The following TLCD4 variants were observed in gnomAD, a reference collection of about 807,000 sequenced individuals.
TLCD4 encodes the protein TLC domain containing 4.
Under a neutral mutation model 24.2 loss-of-function variants are expected in TLCD4, and 7 were observed. The ratio of observed to expected loss-of-function variants is 0.29; its 90% CI spans 0.16 to 0.54. The LOEUF (loss-of-function observed/expected upper bound fraction) is 0.54, where lower values mean the gene tolerates loss of function less well. Among genes scored for constraint, TLCD4 ranks in the 20% least tolerant of loss-of-function variants. The probability of loss-of-function intolerance (pLI) is 0.95; values close to 1 mark genes in which losing one functional copy is unlikely to be tolerated. For missense variants in TLCD4, 259 were observed against 313.9 expected (o/e 0.82, Z 1.32); for synonymous variants, 103 against 106.4 (o/e 0.97, Z 0.20).
chr1:95,130,988 A>T (rs988433288), intron 1 of TLCD4, among the ~76,000 whole-genome samples: 5 of 152,206 alleles, frequency 3.3e-5, no homozygotes, highest in African/African-American at 1.2e-4. Context: ...TACCCTGGTA[A>T]AACAAGGAAT....
intron 5 of TLCD4, among the ~76,000 whole-genome samples, chr1:95,162,023 G>C (rs1677827562): frequency 2.6e-5 from 4 of 152,188 alleles, no homozygotes; most frequent in Admixed American, 2.0e-4. Context: ...AGGTCTGCTT[G>C]ATGCAGAGCT....
chr1:95,149,530 A>G (rs1278298896), intron 3 of TLCD4, among the ~76,000 whole-genome samples: 1 of 152,140 alleles, frequency 6.6e-6, no homozygotes, highest in African/African-American at 2.4e-5. Context: ...TTCTATTCAT[A>G]AATATAAAAT....
intron 1 of TLCD4, among the ~76,000 whole-genome samples, chr1:95,122,152 C>T (rs1479550313): frequency 2.6e-5 from 4 of 152,110 alleles, no homozygotes; most frequent in South Asian, 2.1e-4. Context: ...GAAGAGTTTG[C>T]GACCAGCCTG....
chr1:95,148,599 A>G, intron 2 of TLCD4, 103 bp from the exon 3 acceptor site: 1 of 1,487,216 alleles, frequency 6.7e-7, no homozygotes, highest in South Asian at 1.3e-5. Flanking sequence ...CCTGTATATA[A>G]ATGCTTCCAG....
chr1:95,097,261 A>G, the TLCD4 span, among the ~76,000 whole-genome samples: 3 of 152,240 alleles, frequency 2.0e-5, no homozygotes, highest in Non-Finnish European at 2.9e-5. Flanking sequence ...AGAATATACA[A>G]TAGATTATTG....
At chr1:95,122,222 T>C (rs1676589417) in intron 1 of TLCD4, among the ~76,000 whole-genome samples, 1 of 151,840 alleles carries the variant, frequency 6.6e-6, no homozygotes, top group Non-Finnish European at 1.5e-5. Context: ...TAGCCACACA[T>C]GGTGGCATGT....
At chr1:95,177,658 A>G (rs1157950791) in intron 6 of TLCD4, among the ~76,000 whole-genome samples, 4 of 152,182 alleles carry the variant, frequency 2.6e-5, no homozygotes, top group Admixed American at 6.5e-5. Flanking sequence ...TGCAGTTCAT[A>G]TTATTTACAT....
At chr1:95,139,384 TTC>T (rs527568519) in intron 1 of TLCD4, among the ~76,000 whole-genome samples, 55 of 151,836 alleles carry the variant, frequency 3.6e-4, no homozygotes, top group African/African-American at 1.3e-3. Flanking sequence ...TTTTAAAAAT[TTC>T]TTTTTTCAAT....
intron 5 of TLCD4, among the ~76,000 whole-genome samples, chr1:95,173,574 CTG>C (rs1432628284): frequency 7.2e-5 from 11 of 152,320 alleles, no homozygotes; most frequent in South Asian, 4.1e-4. Flanking sequence ...TAAGTGGACA[CTG>C]TATACATAAG....
the TLCD4 span, among the ~76,000 whole-genome samples, chr1:95,108,618 C>T: frequency 1.9e-4 from 29 of 152,190 alleles, no homozygotes; most frequent in Non-Finnish European, 1.8e-4. Flanking sequence ...GCCACCATCC[C>T]TGGCCTTTGT....
At chr1:95,108,962 T>G in the TLCD4 span, among the ~76,000 whole-genome samples, 1 of 152,224 alleles carries the variant, frequency 6.6e-6, no homozygotes, top group African/African-American at 2.4e-5. Context: ...TATTTTCCCA[T>G]GTGGACTTTG....
At chr1:95,185,613 C>T (rs904734335) in intron 6 of TLCD4, among the ~76,000 whole-genome samples, 9 of 152,134 alleles carry the variant, frequency 5.9e-5, no homozygotes, top group South Asian at 2.1e-4. Context: ...GTGAAGACGA[C>T]GAGAATGAAG....
intron 6 of TLCD4, among the ~76,000 whole-genome samples, chr1:95,175,176 T>C (rs1417873674): frequency 6.6e-6 from 1 of 151,526 alleles, no homozygotes; most frequent in East Asian, 1.9e-4. Context: ...AAATTGAAAC[T>C]CTACGCCCAT....
the TLCD4 span, among the ~76,000 whole-genome samples, chr1:95,106,686 C>T: frequency 1.3e-5 from 2 of 152,212 alleles, no homozygotes; most frequent in African/African-American, 4.8e-5. Flanking sequence ...GAGTGTGACC[C>T]ATCTCAAAAC....
rs1162450856 is a variant in TLCD4, at chr1:95,197,054, C to A, written c.*5186C>A. 6.6e-6 allele frequency: 1 copy of A among 151,998 alleles called. No homozygotes were observed. The highest frequency in any genetic ancestry group is 1.5e-5 in the Non-Finnish European group (1 of 67,996). 9.4% of individuals were successfully genotyped at this position (151,998 alleles called of 1,614,324 possible). A position where few individuals can be genotyped will look rare whatever the true frequency, so the allele number is the denominator to read the frequency against. On this transcript the variant is annotated 3_prime_UTR_variant, in exon 7 of 7. Transcript: ENST00000370203. ...AGAACTATAGTGATATATATAGATACATAGATATATACTTTTTTCTGAGAA... is the reference window on the plus strand; with the variant it reads ...AGAACTATAGTGATATATATAGATAAATAGATATATACTTTTTTCTGAGAA...
intron 6 of TLCD4, among the ~76,000 whole-genome samples, chr1:95,176,198 C>CTT (rs71097253): frequency 1.1e-4 from 15 of 142,114 alleles, no homozygotes; most frequent in African/African-American, 1.6e-4. Flanking sequence ...CAATTTTTTC[C>CTT]TTTTTTTTTT....
In TLCD4 at chr1:95,192,090, G is replaced by A. The variant is rs1333251766; in HGVS notation, c.*222G>A. The A allele has an allele frequency of 5.1e-6, 5 of 982,166 alleles. No individual in the cohort carries two copies. Among genetic ancestry groups the A allele is most frequent in the Non-Finnish European group, 6.8e-6 (5 of 729,994 alleles). 60.8% of individuals were successfully genotyped at this position (982,166 alleles called of 1,614,324 possible). ...GGTGGGTCGATCACTGAGGTCAGGAGTTCGAGACTAGCTTGGCCAACATGG... is the reference window on the plus strand; with the variant it reads ...GGTGGGTCGATCACTGAGGTCAGGAATTCGAGACTAGCTTGGCCAACATGG... On this transcript the variant is annotated 3_prime_UTR_variant, in exon 7 of 7. Coordinates refer to ENST00000370203, the MANE Select transcript of TLCD4 (RefSeq NM_152487.3).
At chr1:95,143,212 G>C (rs1048166716) in intron 1 of TLCD4, among the ~76,000 whole-genome samples, 1 of 152,106 alleles carries the variant, frequency 6.6e-6, no homozygotes, top group African/African-American at 2.4e-5. Context: ...TATTTTGTTA[G>C]TTAGGTGTGT....
At chr1:95,180,789 A>G (rs1032943473) in intron 6 of TLCD4, among the ~76,000 whole-genome samples, 8 of 152,376 alleles carry the variant, frequency 5.3e-5, no homozygotes, top group African/African-American at 1.9e-4. Flanking sequence ...TAATATGTTC[A>G]TTCAATATTT....
Sources: allele counts gnomAD v4.1 joint callset (sites outside exome capture counted in the v4.1 genomes callset), GRCh38; gene constraint gnomAD v4.1.1; transcripts MANE v1.5; gene names NCBI Gene and HGNC (gene_info 2026-07-23, HGNC 2026-07-21).